The following PCDHGA2 variants were observed in gnomAD, a reference collection of about 807,000 sequenced individuals.
The protein encoded by PCDHGA2 is protocadherin gamma-A2.
In PCDHGA2, 40 loss-of-function variants were observed where a neutral mutation model predicts 59.2. The observed-to-expected ratio is 0.68, with a 90% confidence interval of 0.52 to 0.88. The LOEUF is 0.88. Ranked by LOEUF, PCDHGA2 falls within the 40% of genes least tolerant of loss-of-function variation. The pLI, the probability that PCDHGA2 is intolerant of heterozygous loss-of-function variation, is 0.00. For synonymous variants in PCDHGA2, 560 were observed against 526.0 expected (o/e 1.06, Z -0.89); for missense variants, 1,226 against 1,204.0 (o/e 1.02, Z -0.27).
intron 2 of PCDHGA2, among the ~76,000 whole-genome samples, chr5:141,501,288 T>TAC (rs1562199973): frequency 3.7e-5 from 3 of 81,228 alleles, no homozygotes; most frequent in South Asian, 4.2e-4. Context: ...GATATTCCCT[T>TAC]ATACACACAC....
chr5:141,363,496 A>G (rs1762946791), intron 1 of PCDHGA2, among the ~76,000 whole-genome samples: 1 of 152,378 alleles, frequency 6.6e-6, no homozygotes, highest in South Asian at 2.1e-4. Context: ...GATGAAATAA[A>G]ACCCCATCCT....
At chr5:141,500,244 T>C (rs1426405294) in intron 2 of PCDHGA2, among the ~76,000 whole-genome samples, 1 of 151,640 alleles carries the variant, frequency 6.6e-6, no homozygotes, top group Non-Finnish European at 1.5e-5. Context: ...AGCCTTGCTC[T>C]GTCACCCAGG....
In PCDHGA2 at chr5:141,347,127, C is replaced by T. The variant is rs1757878000; in HGVS notation, c.2424+5732C>T. Among the ~76,000 whole-genome samples, 2 of 137,092 alleles carry T rather than the reference C, an allele frequency of 1.5e-5. 1 individual carries two copies. Among genetic ancestry groups the T allele is most frequent in the Admixed American group, 1.5e-4 (2 of 13,276 alleles). The allele number at this position is 137,092 out of a possible 152,430, so 89.9% of individuals were successfully genotyped here. A position where few individuals can be genotyped will look rare whatever the true frequency, so the allele number is the denominator to read the frequency against. ...TCTCTCTTTCCTCCTTCCTTCCTTC[C>T]TCTGTTTCTCTCTTTCTTTCTTTCT... On this transcript the variant is annotated intron_variant, in intron 1 of 3. Transcript: ENST00000394576.
At chr5:141,381,990 C>T (rs1182122495) in intron 1 of PCDHGA2, among the ~76,000 whole-genome samples, 1 of 151,686 alleles carries the variant, frequency 6.6e-6, no homozygotes, top group Middle Eastern at 3.4e-3. Flanking sequence ...CCACCACGCC[C>T]GGATAATTTT....
chr5:141,433,389 A>G (rs1157605590), intron 1 of PCDHGA2, among the ~76,000 whole-genome samples: 2 of 151,108 alleles, frequency 1.3e-5, no homozygotes, highest in African/African-American at 2.4e-5. Context: ...CTATCTATCT[A>G]TCTATCTATC....
chr5:141,350,641 A>G (rs750953545), intron 1 of PCDHGA2: 1 of 1,614,024 alleles, frequency 6.2e-7, no homozygotes, highest in Non-Finnish European at 8.5e-7. Flanking sequence ...ATGACAATGC[A>G]CCACGTTTCG....
chr5:141,495,424 A>G (rs927637242), intron 2 of PCDHGA2, among the ~76,000 whole-genome samples: 2 of 152,088 alleles, frequency 1.3e-5, no homozygotes, highest in Non-Finnish European at 2.9e-5. Flanking sequence ...CCCTCCTCCC[A>G]CTGTCCTCTG....
intron 1 of PCDHGA2, chr5:141,360,507 G>A (rs1054504222): frequency 6.2e-7 from 1 of 1,613,916 alleles, no homozygotes; most frequent in African/African-American, 1.3e-5. Flanking sequence ...TAATTGTGCA[G>A]GATATAAATG....
Position 141,512,147 on chromosome 5 carries a change from GGCTGA to G in PCDHGA2, c.*978_*982del, listed in dbSNP as rs1406468661. The G allele has an allele frequency of 1.3e-5, 2 of 152,652 alleles. No homozygotes were observed. Among genetic ancestry groups the G allele is most frequent in the Admixed American group, 6.5e-5 (1 of 15,286 alleles). The allele number at this position is 152,652 out of a possible 1,614,324, so 9.5% of individuals were successfully genotyped here. A position where few individuals can be genotyped will look rare whatever the true frequency, so the allele number is the denominator to read the frequency against. On this transcript the variant is annotated 3_prime_UTR_variant, in exon 4 of 4. Coordinates refer to ENST00000394576, the MANE Select transcript of PCDHGA2 (RefSeq NM_018915.4). ...GGCTCAGCCCAGGCAGCCAGCTTTG[GGCTGA>G]GCTAACAGGACCAATGGATTAAACT... is the stretch of plus-strand genomic sequence containing the variant.
intron 1 of PCDHGA2, among the ~76,000 whole-genome samples, chr5:141,456,790 C>T (rs1364747385): frequency 6.6e-6 from 1 of 151,976 alleles, no homozygotes; most frequent in Admixed American, 6.6e-5. Flanking sequence ...TGGCAAAACC[C>T]CATCTCTACT....
rs1308930168 is a variant in PCDHGA2, at chr5:141,489,620, A to G, written c.2425-5187A>G. 2.5e-6 allele frequency: 4 copies of G among 1,614,058 alleles called. No individual in the cohort carries two copies. Among genetic ancestry groups the G allele is most frequent in the South Asian group, 2.2e-5 (2 of 91,072 alleles). The stretch of plus-strand genomic sequence containing the variant: ...GTAGAGGTAGAGATCCTGGATCTCA[A>G]TGACAACTCTCCTAGCTTTGCCACC... On this transcript the variant is annotated intron_variant, in intron 1 of 3. Transcript: ENST00000394576. This position sits in a 1 kb window ranked among gnomAD's most constrained non-coding sequence, Gnocchi z 4.5.
intron 1 of PCDHGA2, among the ~76,000 whole-genome samples, chr5:141,381,748 T>C (rs1252356879): frequency 6.6e-6 from 1 of 152,130 alleles, no homozygotes; most frequent in Non-Finnish European, 1.5e-5. Context: ...GATTCCGACA[T>C]TGTTCTACTA....
rs1330784633 is a variant in PCDHGA2 at position 141,476,330 on chromosome 5, G to A, written c.2425-18477G>A. On this transcript the variant is annotated intron_variant, in intron 1 of 3. Transcript: ENST00000394576. This position sits in a 1 kb window ranked among gnomAD's most constrained non-coding sequence, Gnocchi z 7.6. ...CCGCAGGTTCCGGGTGGTGTCTGGA[G>A]CTAGCCGAAGATTCTTTGAGGTGAA... The A allele has an allele frequency of 1.2e-6, 2 of 1,614,092 alleles. No homozygotes were observed. The highest frequency in any genetic ancestry group is 1.6e-4 in the Middle Eastern group (1 of 6,084).
At chr5:141,423,758 G>GGGC (rs1554116874) in intron 1 of PCDHGA2, 82 of 366,752 alleles carry the variant, frequency 2.2e-4, no homozygotes, top group Middle Eastern at 4.2e-4. Context: ...TTTGGGGGGG[G>GGGC]GGTGGGGCGG....
intron 1 of PCDHGA2, among the ~76,000 whole-genome samples, chr5:141,438,454 T>C (rs2097961593): frequency 6.6e-6 from 1 of 151,734 alleles, no homozygotes; most frequent in Admixed American, 6.6e-5. Flanking sequence ...AATACAATGC[T>C]TGAGTTCAAT....
intron 1 of PCDHGA2, chr5:141,382,716 C>G (rs11575956): frequency 0.036 from 17,699 of 487,890 alleles, 411 homozygotes; most frequent in Middle Eastern, 0.065. Flanking sequence ...CAGAAACCAC[C>G]GAGTTTTACA....
chr5:141,463,424 CT>C (rs2099058999), intron 1 of PCDHGA2, among the ~76,000 whole-genome samples: 1 of 148,698 alleles, frequency 6.7e-6, no homozygotes, highest in Non-Finnish European at 1.5e-5. Flanking sequence ...TTTGCGGATC[CT>C]CATTTCCTTC....
Position 141,340,264 on chromosome 5 carries a change from C to A in PCDHGA2, c.1293C>A (p.Ser431=), listed in dbSNP as rs151082079. The change falls in exon 1 of 4, where the codon TCC becomes TCA. Residue 431 remains serine, a synonymous_variant. Transcript: ENST00000394576. ...TLTAKDGGNP[S]LSTDAHILLQ... ...CCGCTAAAGATGGAGGGAACCCCTC[C>A]CTGTCCACGGATGCTCACATTTTGC... 103 of 1,614,074 alleles carry A rather than the reference C, an allele frequency of 6.4e-5. No individual in the cohort carries two copies. The highest frequency in any genetic ancestry group is 8.1e-5 in the Non-Finnish European group (95 of 1,180,050).
At position 141,376,756 on chromosome 5, in the gene PCDHGA2, G is replaced by C. The variant is rs1049941497; in HGVS notation, c.2424+35361G>C. The stretch of plus-strand genomic sequence containing the variant: ...CTGCGGACTGCAGTGGCGCAATCTC[G>C]GCTCACTGCAAGCTCCGCTTCCCGG... On this transcript the variant is annotated intron_variant, in intron 1 of 3. Transcript: ENST00000394576. 3.1e-5 allele frequency: 14 copies of C among 448,188 alleles called. No individual in the cohort carries two copies. The Admixed American group carries it at 4.2e-4, about 14-fold the overall frequency. The allele number at this position is 448,188 out of a possible 1,614,324, so 27.8% of individuals were successfully genotyped here. A position where few individuals can be genotyped will look rare whatever the true frequency, so the allele number is the denominator to read the frequency against.
Sources: gnomAD v4.1 joint callset for allele counts (sites outside exome capture counted in the v4.1 genomes callset) on GRCh38, gnomAD v4.1.1 for gene constraint, Gnocchi (gnomAD v3.1) non-coding constraint, MANE v1.5 for transcripts, NCBI Gene and HGNC (gene_info 2026-07-23, HGNC 2026-07-21) for gene names.